DCAF16: variants seen among roughly 807,000 people sequenced by gnomAD.
The protein encoded by DCAF16 is DDB1- and CUL4-associated factor 16.
Under a neutral mutation model 17.3 loss-of-function variants are expected in DCAF16, and 10 were observed. The ratio of observed to expected loss-of-function variants is 0.58; its 90% CI spans 0.36 to 0.98. The LOEUF (loss-of-function observed/expected upper bound fraction) is 0.98, where lower values mean the gene tolerates loss of function less well. Among genes scored for constraint, DCAF16 ranks in the 50% least tolerant of loss-of-function variants. DCAF16 has a pLI of 0.01. For missense variants in DCAF16, 249 were observed against 247.6 expected, an observed-to-expected ratio of 1.01 and a Z score of -0.04; for synonymous variants, 111 against 92.8, an observed-to-expected ratio of 1.20 and a Z score of -1.12.
chr4:17,798,157 T>C (rs1719512308), downstream of DCAF16, among the ~76,000 whole-genome samples: 2 of 152,134 alleles, frequency 1.3e-5, no homozygotes, highest in Admixed American at 1.3e-4. Context: ...GGAATTTTCA[T>C]ATCACGTGTC....
chr4:17,809,657 A>G (rs1334456200), intron 1 of DCAF16: 2 of 152,198 alleles, frequency 1.3e-5, no homozygotes, highest in Non-Finnish European at 2.9e-5. Flanking sequence ...GCTTCCCTCC[A>G]TCCTCCTAGG....
intron 1 of DCAF16, among the ~76,000 whole-genome samples, chr4:17,809,007 C>T (rs533483300): frequency 2.0e-5 from 3 of 152,032 alleles, no homozygotes; most frequent in Non-Finnish European, 4.4e-5. Context: ...CCAGCCTGGG[C>T]GACAGAGCAA....
Position 17,802,794 on chromosome 4 carries a change from A to G in DCAF16, c.*697T>C, listed in dbSNP as rs1166146252. 6.6e-6 allele frequency: 1 copy of G among 152,246 alleles called. No individual in the cohort carries two copies. Among genetic ancestry groups the G allele is most frequent in the African/African-American group, 2.4e-5 (1 of 41,466 alleles). 9.4% of individuals were successfully genotyped at this position (152,246 alleles called of 1,614,324 possible). On this transcript the variant is annotated 3_prime_UTR_variant, in exon 3 of 3. Coordinates refer to ENST00000382247, the MANE Select transcript of DCAF16 (RefSeq NM_017741.4). ...AACTACTTCCACAGAAATGTATGTT[A>G]GAGAAGAGTATGCTCAGAAAGGTAT...
Position 17,805,203 on chromosome 4 carries a change from T to C in DCAF16, c.-727A>G, listed in dbSNP as rs993882204. The C allele has an allele frequency of 1.3e-5, 2 of 151,606 alleles. No homozygotes were observed. The highest frequency in any genetic ancestry group is 2.9e-5 in the Non-Finnish European group (2 of 67,964). 9.4% of individuals were successfully genotyped at this position (151,606 alleles called of 1,614,324 possible). A position where few individuals can be genotyped will look rare whatever the true frequency, so the allele number is the denominator to read the frequency against. ...CTTGCTGGGACCTCAGAAGTTGTGA[T>C]CCTATCACCAATTCTATATAAGCTG... On this transcript the variant is annotated 5_prime_UTR_variant, in exon 2 of 3. Transcript: ENST00000382247.
downstream of DCAF16, among the ~76,000 whole-genome samples, chr4:17,799,127 A>G (rs1719574177): frequency 6.6e-6 from 1 of 152,216 alleles, no homozygotes; most frequent in South Asian, 2.1e-4. Flanking sequence ...TATAATTTAA[A>G]TCTGGATACA....
rs1002353820 is a variant in DCAF16 at position 17,802,676 on chromosome 4, A to G, written c.*815T>C. Reference sequence around the variant, plus strand: ...AAAAAGAAAAAATAAAAGGAACCCTAAAGAGTGTCATATGTAGGCACATCT... The same window carrying G: ...AAAAAGAAAAAATAAAAGGAACCCTGAAGAGTGTCATATGTAGGCACATCT... On this transcript the variant is annotated 3_prime_UTR_variant, in exon 3 of 3. Transcript: ENST00000382247. 18 of 151,752 alleles carry G rather than the reference A, an allele frequency of 1.2e-4. No individual in the cohort carries two copies. The highest frequency in any genetic ancestry group is 6.6e-5 in the Admixed American group (1 of 15,260). 9.4% of individuals were successfully genotyped at this position (151,752 alleles called of 1,614,324 possible).
downstream of DCAF16, among the ~76,000 whole-genome samples, chr4:17,799,237 C>G (rs917469534): frequency 1.1e-4 from 17 of 152,284 alleles, no homozygotes; most frequent in Admixed American, 7.2e-4. Flanking sequence ...ACTTGGATGG[C>G]TGCTCCATTC....
In DCAF16 at chr4:17,803,854, T is replaced by G. The variant is rs747373234; in HGVS notation, c.288A>C (p.Arg96Ser). ...GGACACAATGGGAACAATGGGAGAG[T>G]CTTAGACCTATCTCTCGAAGTATAT... ...PVHILREIGL[R>S]LSHCSHCVPK... Residue 96 changes from arginine to serine, a missense_variant, in exon 3 of 3, where the codon AGA becomes AGC. Physicochemically the swap from Arg to Ser is moderately radical, Grantham distance 110 (BLOSUM62 -1). Coordinates refer to ENST00000382247, the MANE Select transcript of DCAF16 (RefSeq NM_017741.4). 1.8e-5 allele frequency: 29 copies of G among 1,613,736 alleles called. No individual in the cohort carries two copies. The highest frequency in any genetic ancestry group is 2.5e-5 in the Non-Finnish European group (29 of 1,179,988).
chr4:17,797,012 G>C (rs894872506), downstream of DCAF16, among the ~76,000 whole-genome samples: 1 of 151,938 alleles, frequency 6.6e-6, no homozygotes, highest in Non-Finnish European at 1.5e-5. Context: ...GCCCATGTTG[G>C]AGTGCAGTGG....
At position 17,801,480 on chromosome 4, in the gene DCAF16, T is replaced by C. The variant is rs934301729; in HGVS notation, c.*2011A>G. 2.0e-5 allele frequency: 3 copies of C among 152,120 alleles called. No homozygotes were observed. Among genetic ancestry groups the C allele is most frequent in the Middle Eastern group, 3.4e-3 (1 of 294 alleles). The allele number at this position is 152,120 out of a possible 1,614,324, so 9.4% of individuals were successfully genotyped here. ...GTAAACGGCACTTAATTATGGAAAA[T>C]AGGAAAAAGCAAAACTAAAATAAGG... On this transcript the variant is annotated 3_prime_UTR_variant, in exon 3 of 3. Coordinates refer to ENST00000382247, the MANE Select transcript of DCAF16 (RefSeq NM_017741.4).
rs1013926958 is a variant in DCAF16 at position 17,804,151 on chromosome 4, A to G, written c.-10T>C. 3 of 1,606,712 alleles carry G rather than the reference A, an allele frequency of 1.9e-6. No homozygotes were observed. The highest frequency in any genetic ancestry group is 2.5e-6 in the Non-Finnish European group (3 of 1,176,930). ...GATTTCTAGGACCCATCAGAATAAAACACAGTAAGGAACCAGAAAAAGGTA... is the reference window on the plus strand; with the variant it reads ...GATTTCTAGGACCCATCAGAATAAAGCACAGTAAGGAACCAGAAAAAGGTA... On this transcript the variant is annotated 5_prime_UTR_variant, in exon 3 of 3. Coordinates refer to ENST00000382247, the MANE Select transcript of DCAF16 (RefSeq NM_017741.4).
Position 17,800,765 on chromosome 4 carries a change from C to G in DCAF16, c.*2726G>C, listed in dbSNP as rs78999647. The G allele has an allele frequency of 1.3e-5, 2 of 152,610 alleles. No homozygotes were observed. The highest frequency in any genetic ancestry group is 3.9e-4 in the East Asian group (2 of 5,176). 9.5% of individuals were successfully genotyped at this position (152,610 alleles called of 1,614,324 possible). On this transcript the variant is annotated 3_prime_UTR_variant, in exon 3 of 3. Transcript: ENST00000382247. Reference sequence around the variant, plus strand: ...TGAGCAAGGCACTTTTATACACACACAGAGAGAAAAAGGAACGTATTATGA... The same window carrying G: ...TGAGCAAGGCACTTTTATACACACAGAGAGAGAAAAAGGAACGTATTATGA...
rs1231923310 is a variant in DCAF16, at chr4:17,802,998, C to G, written c.*493G>C. ...GTGAGTGTGAAGAATATTCAACTAT[C>G]TTTTGTAATATGGTCCCCTTAACTA... is the stretch of plus-strand genomic sequence containing the variant. On this transcript the variant is annotated 3_prime_UTR_variant, in exon 3 of 3. Coordinates refer to ENST00000382247, the MANE Select transcript of DCAF16 (RefSeq NM_017741.4). 6.5e-6 allele frequency: 1 copy of G among 154,286 alleles called. No homozygotes were observed. Among genetic ancestry groups the G allele is most frequent in the Non-Finnish European group, 1.4e-5 (1 of 69,970 alleles). The allele number at this position is 154,286 out of a possible 1,614,324, so 9.6% of individuals were successfully genotyped here.
In DCAF16 at chr4:17,801,769, T is replaced by A. The variant is rs1448745740; in HGVS notation, c.*1722A>T. ...TAGCTAAATCTACTTAGAAAAACAATGCTGCTAAAACTCTTAACTTCAGAT... is the reference window on the plus strand; with the variant it reads ...TAGCTAAATCTACTTAGAAAAACAAAGCTGCTAAAACTCTTAACTTCAGAT... On this transcript the variant is annotated 3_prime_UTR_variant, in exon 3 of 3. Coordinates refer to ENST00000382247, the MANE Select transcript of DCAF16 (RefSeq NM_017741.4). The A allele has an allele frequency of 6.6e-6, 1 of 152,166 alleles. No homozygotes were observed. The highest frequency in any genetic ancestry group is 1.5e-5 in the Non-Finnish European group (1 of 68,026). The allele number at this position is 152,166 out of a possible 1,614,324, so 9.4% of individuals were successfully genotyped here.
chr4:17,800,381 T>C (rs1309974373), downstream of DCAF16, among the ~76,000 whole-genome samples: 1 of 152,182 alleles, frequency 6.6e-6, no homozygotes, highest in Non-Finnish European at 1.5e-5. Context: ...AAAAGTTAAC[T>C]TAAGGCTTAT....
At chr4:17,809,461 A>G (rs1720652947) in intron 1 of DCAF16, 1 of 152,246 alleles carries the variant, frequency 6.6e-6, no homozygotes, top group East Asian at 1.9e-4. Flanking sequence ...TCATGTCATT[A>G]ATATATTAAA....
Position 17,803,150 on chromosome 4 carries a change from G to A in DCAF16, c.*341C>T, listed in dbSNP as rs146397295. On this transcript the variant is annotated 3_prime_UTR_variant, in exon 3 of 3. Coordinates refer to ENST00000382247, the MANE Select transcript of DCAF16 (RefSeq NM_017741.4). Reference sequence around the variant, plus strand: ...AGTGATTCTCCTGTTTCAGCCTCCCGAGTAGCAGGGATTACAGGCGTGCAC... The same window carrying A: ...AGTGATTCTCCTGTTTCAGCCTCCCAAGTAGCAGGGATTACAGGCGTGCAC... The A allele has an allele frequency of 3.1e-3, 657 of 214,404 alleles. 1 individual carries two copies. Among genetic ancestry groups the A allele is most frequent in the Middle Eastern group, 0.017 (9 of 538 alleles). The allele number at this position is 214,404 out of a possible 1,614,324, so 13.3% of individuals were successfully genotyped here.
rs1719837937 is a variant in DCAF16, at chr4:17,802,049, C to A, written c.*1442G>T. On this transcript the variant is annotated 3_prime_UTR_variant, in exon 3 of 3. Coordinates refer to ENST00000382247, the MANE Select transcript of DCAF16 (RefSeq NM_017741.4). ...CCCGGGAGGCAGAGCTTGCAGTGAG[C>A]TGAGATCATGCCACTACACTCCAGC... The A allele has an allele frequency of 7.2e-6, 1 of 139,162 alleles. No homozygotes were observed. Among genetic ancestry groups the A allele is most frequent in the Admixed American group, 8.2e-5 (1 of 12,178 alleles). The allele number at this position is 139,162 out of a possible 1,614,324, so 8.6% of individuals were successfully genotyped here.
the DCAF16 span, among the ~76,000 whole-genome samples, chr4:17,795,408 C>A: frequency 6.6e-6 from 1 of 152,074 alleles, no homozygotes; most frequent in Non-Finnish European, 1.5e-5. Flanking sequence ...ATTTAGAAGA[C>A]TAAAGTCTTA....
Sources: allele counts gnomAD v4.1 joint callset (sites outside exome capture counted in the v4.1 genomes callset), GRCh38; gene constraint gnomAD v4.1.1; transcripts MANE v1.5; gene names NCBI Gene and HGNC (gene_info 2026-07-23, HGNC 2026-07-21).